SGCZ: variants seen among roughly 807,000 people sequenced by gnomAD.
SGCZ encodes the protein sarcoglycan zeta, also known as zeta-sarcoglycan.
SGCZ carries 40 observed loss-of-function variants against 41.3 expected under a neutral mutation model. That is an observed-to-expected ratio of 0.97 (90% CI 0.75 to 1.26). The LOEUF is 1.26. Ranked by LOEUF, SGCZ falls within the 50% of genes most tolerant of loss-of-function variation. SGCZ has a pLI of 0.00. For missense variants in SGCZ, 552 were observed against 369.8 expected, an observed-to-expected ratio of 1.49 and a Z score of -4.04; for synonymous variants, 206 against 137.5, an observed-to-expected ratio of 1.50 and a Z score of -3.49.
At chr8:15,188,631 C>T (rs1039720328) in intron 1 of SGCZ, among the ~76,000 whole-genome samples, 7 of 152,038 alleles carry the variant, frequency 4.6e-5, no homozygotes, top group East Asian at 3.8e-4. Context: ...TTTTAAAAAA[C>T]GGATAAGGAT....
intron 1 of SGCZ, among the ~76,000 whole-genome samples, chr8:14,832,216 A>G (rs917845851): frequency 1.3e-5 from 2 of 152,132 alleles, no homozygotes; most frequent in Admixed American, 6.5e-5. Flanking sequence ...TAACTATTCT[A>G]TTTGCTTTCT....
chr8:15,173,597 TA>T (rs1418845863), intron 1 of SGCZ, among the ~76,000 whole-genome samples: 2 of 152,230 alleles, frequency 1.3e-5, no homozygotes, highest in Non-Finnish European at 2.9e-5. Flanking sequence ...GATGCATTTT[TA>T]AAAGCTCATT....
At chr8:14,392,072 G>A (rs1227268454) in intron 2 of SGCZ, among the ~76,000 whole-genome samples, 1 of 152,066 alleles carries the variant, frequency 6.6e-6, no homozygotes, top group East Asian at 1.9e-4. Flanking sequence ...AAGGGGAGAT[G>A]GAGAAAGCTT....
intron 2 of SGCZ, among the ~76,000 whole-genome samples, chr8:14,332,943 G>A (rs10096346): frequency 0.56 from 82,871 of 149,254 alleles, 24,003 homozygotes; most frequent in South Asian, 0.78. Context: ...ACATATATGT[G>A]TATATATATA....
intron 1 of SGCZ, among the ~76,000 whole-genome samples, chr8:14,616,140 G>A (rs1442463617): frequency 2.6e-5 from 4 of 151,914 alleles, no homozygotes; most frequent in African/African-American, 4.8e-5. Flanking sequence ...AAATTTAGCC[G>A]GGCGTGGGAG....
intron 7 of SGCZ, among the ~76,000 whole-genome samples, chr8:14,094,589 T>C (rs187941155): frequency 7.1e-4 from 108 of 152,304 alleles, no homozygotes; most frequent in African/African-American, 2.6e-3. Flanking sequence ...AGTGCCACAG[T>C]AAACATACGT....
intron 1 of SGCZ, among the ~76,000 whole-genome samples, chr8:14,926,308 A>G (rs185425998): frequency 1.3e-5 from 2 of 152,332 alleles, no homozygotes; most frequent in African/African-American, 2.4e-5. Flanking sequence ...ATCATGTTTC[A>G]TTTGCACAAA....
chr8:14,112,197 A>T (rs1403990567), intron 5 of SGCZ, among the ~76,000 whole-genome samples: 2 of 150,694 alleles, frequency 1.3e-5, no homozygotes, highest in African/African-American at 4.9e-5. Flanking sequence ...ATTTGACCTG[A>T]TATGTGCCAA....
intron 7 of SGCZ, among the ~76,000 whole-genome samples, chr8:14,093,638 C>G (rs944108211): frequency 6.6e-6 from 1 of 152,008 alleles, no homozygotes; most frequent in African/African-American, 2.4e-5. Flanking sequence ...TAGCTTTCCA[C>G]TTTTTTGATG....
chr8:15,237,296 C>T (rs928404415), intron 1 of SGCZ, among the ~76,000 whole-genome samples: 1 of 152,150 alleles, frequency 6.6e-6, no homozygotes, highest in Non-Finnish European at 1.5e-5. Context: ...AGGGTCTGCA[C>T]CCCAAATGCT....
At chr8:14,870,251 G>A (rs952152719) in intron 1 of SGCZ, among the ~76,000 whole-genome samples, 10 of 152,006 alleles carry the variant, frequency 6.6e-5, no homozygotes, top group African/African-American at 9.7e-5. Flanking sequence ...CAGAAAAGAG[G>A]CCTCAGAAAT....
At chr8:14,175,869 A>T (rs554391469) in intron 4 of SGCZ, among the ~76,000 whole-genome samples, 2 of 152,244 alleles carry the variant, frequency 1.3e-5, no homozygotes, top group Non-Finnish European at 2.9e-5. Flanking sequence ...AAATAATTAA[A>T]TTGATGAGAT....
chr8:14,243,262 G>A (rs1798955275), intron 3 of SGCZ, among the ~76,000 whole-genome samples: 1 of 152,006 alleles, frequency 6.6e-6, no homozygotes, highest in African/African-American at 2.4e-5. Flanking sequence ...TTCTTCTCAG[G>A]GATGGAAATA....
At chr8:15,220,533 T>G (rs531992218) in intron 1 of SGCZ, among the ~76,000 whole-genome samples, 1 of 152,172 alleles carries the variant, frequency 6.6e-6, no homozygotes, top group South Asian at 2.1e-4. Flanking sequence ...TCAGGACGAT[T>G]TAGACTCAAC....
At chr8:14,987,654 A>G (rs1563413471) in intron 1 of SGCZ, among the ~76,000 whole-genome samples, 1 of 151,930 alleles carries the variant, frequency 6.6e-6, no homozygotes, top group Non-Finnish European at 1.5e-5. Context: ...ATCTTTTGGG[A>G]AAATATTCTT....
intron 1 of SGCZ, among the ~76,000 whole-genome samples, chr8:14,910,778 C>A (rs984070067): frequency 9.2e-5 from 14 of 151,786 alleles, no homozygotes; most frequent in Non-Finnish European, 1.6e-4. Flanking sequence ...TCATTTTATG[C>A]CTCATAATAC....
At chr8:15,003,992 A>T (rs911271540) in intron 1 of SGCZ, among the ~76,000 whole-genome samples, 2 of 152,120 alleles carry the variant, frequency 1.3e-5, no homozygotes, top group African/African-American at 4.8e-5. Context: ...CATGAGCAGG[A>T]GGGGGGAAGC....
At chr8:14,555,676 C>A (rs1804013459) in intron 1 of SGCZ, among the ~76,000 whole-genome samples, 1 of 151,998 alleles carries the variant, frequency 6.6e-6, no homozygotes, top group African/African-American at 2.4e-5. Context: ...TATGATTTAC[C>A]TGTTCTTTGC....
At chr8:15,092,877 T>C (rs1235021127) in intron 1 of SGCZ, among the ~76,000 whole-genome samples, 1 of 152,212 alleles carries the variant, frequency 6.6e-6, no homozygotes, top group Non-Finnish European at 1.5e-5. Flanking sequence ...CACTTAAAAC[T>C]ATTTGCTAAT....
Sources: allele counts gnomAD v4.1 joint callset (sites outside exome capture counted in the v4.1 genomes callset), GRCh38; gene constraint gnomAD v4.1.1; transcripts MANE v1.5; gene names NCBI Gene and HGNC (gene_info 2026-07-23, HGNC 2026-07-21).